Variants in C3orf49 observed in about 807,000 individuals in gnomAD.
The protein encoded by C3orf49 is chromosome 3 open reading frame 49.
In C3orf49, 27 loss-of-function variants were observed where a neutral mutation model predicts 13.3. That is an observed-to-expected ratio of 2.02 (90% CI 1.49 to 2.79). The LOEUF is 2.79. Among genes scored for constraint, C3orf49 ranks in the 30% most tolerant of loss-of-function variants. The pLI is 0.00. For missense variants in C3orf49, 242 were observed against 134.2 expected (o/e 1.80, Z -3.97); for synonymous variants, 87 against 47.6 (o/e 1.83, Z -3.40).
intron 5 of C3orf49, chr3:63,834,344 T>A: frequency 1.3e-6 from 1 of 763,762 alleles, no homozygotes; most frequent in Non-Finnish European, 2.0e-6. Flanking sequence ...TTAAAATTTA[T>A]GTGATAGACT....
chr3:63,816,118 TTTTC>T (rs1379825014), upstream of C3orf49, among the ~76,000 whole-genome samples: 1 of 151,632 alleles, frequency 6.6e-6, no homozygotes. Context: ...TTTAATTCTT[TTTTC>T]TTTGTTGATT....
chr3:63,823,766 T>TTGTGTG (rs55765936), intron 2 of C3orf49, among the ~76,000 whole-genome samples, 197 bp downstream of exon 2: 466 of 123,050 alleles, frequency 3.8e-3, no homozygotes, highest in African/African-American at 5.7e-3. Context: ...GTTCATACCG[T>TTGTGTG]TGTGTGTGTG....
chr3:63,819,545 T>A lies in C3orf49; in HGVS notation c.74T>A (p.Phe25Tyr). 1 of 703,326 alleles carries A rather than the reference T, an allele frequency of 1.4e-6. No individual in the cohort carries two copies. 43.6% of individuals were successfully genotyped at this position (703,326 alleles called of 1,614,324 possible). The change falls in exon 1 of 7, where the codon TTC (phenylalanine) becomes TAC (tyrosine). Residue 25 changes from phenylalanine (F) to tyrosine (Y), a missense_variant. Phe to Tyr is a conservative substitution (Grantham distance 22). Coordinates refer to ENST00000295896, the MANE Select transcript of C3orf49 (RefSeq NM_001355236.2). Reference protein sequence around the residue: ...AYRKVGQCRRFQQLKKKNGSF... With the variant: ...AYRKVGQCRRYQQLKKKNGSF... ...AGAAAAGTTGGACAGTGCCGAAGAT[T>A]CCAGCAACTCAAGAAGAAAAATGGC...
At chr3:63,809,417 A>G in the C3orf49 span, among the ~76,000 whole-genome samples, 1 of 152,244 alleles carries the variant, frequency 6.6e-6, no homozygotes, top group South Asian at 2.1e-4. Flanking sequence ...AAATTAACAC[A>G]GAGGTTATTT....
At chr3:63,781,171 G>C in the C3orf49 span, among the ~76,000 whole-genome samples, 1 of 150,392 alleles carries the variant, frequency 6.6e-6, no homozygotes, top group Non-Finnish European at 1.5e-5. Flanking sequence ...TTTGTATAAG[G>C]TGTAAGGAAG....
chr3:63,825,895 G>T (rs1701459828), intron 2 of C3orf49, among the ~76,000 whole-genome samples: 1 of 152,206 alleles, frequency 6.6e-6, no homozygotes, highest in Non-Finnish European at 1.5e-5. Context: ...TAGGGGAGGG[G>T]TCTCAGGAAA....
At chr3:63,792,194 G>A in the C3orf49 span, among the ~76,000 whole-genome samples, 2 of 152,218 alleles carry the variant, frequency 1.3e-5, no homozygotes, top group Non-Finnish European at 2.9e-5. Context: ...TGTGGAGGAT[G>A]TTGCAAGTTG....
At chr3:63,838,314 T>C in intron 5 of C3orf49, 2 of 1,204,406 alleles carry the variant, frequency 1.7e-6, no homozygotes, top group South Asian at 1.5e-5. Context: ...TTAGCAGGTA[T>C]TGTTTCCTTT....
chr3:63,788,664 T>C, the C3orf49 span, among the ~76,000 whole-genome samples: 1 of 152,024 alleles, frequency 6.6e-6, no homozygotes, highest in Admixed American at 6.6e-5. Flanking sequence ...TCTTTCTTTC[T>C]TTAACCTCAT....
the C3orf49 span, among the ~76,000 whole-genome samples, chr3:63,795,848 A>G: frequency 2.0e-5 from 3 of 152,076 alleles, no homozygotes; most frequent in Admixed American, 2.0e-4. Flanking sequence ...AAAAACCTAG[A>G]AACAATCTTG....
chr3:63,848,436 C>A lies in C3orf49; in HGVS notation c.*103C>A, dbSNP rs1701949347. On this transcript the variant is annotated 3_prime_UTR_variant, in exon 7 of 7. Transcript: ENST00000295896. ...ACCTATGAGCTGGAAGTCCTTCCCA[C>A]CCCCCACCTTCAAGCTGTCCTGCTT... 1.3e-5 allele frequency: 2 copies of A among 152,114 alleles called. No individual in the cohort carries two copies. The highest frequency in any genetic ancestry group is 2.9e-5 in the Non-Finnish European group (2 of 68,040). 9.4% of individuals were successfully genotyped at this position (152,114 alleles called of 1,614,324 possible).
At position 63,831,219 on chromosome 3, in the gene C3orf49, T is replaced by G. The variant is rs963203975; in HGVS notation, c.680T>G (p.Met227Arg). The G allele has an allele frequency of 1.4e-6, 1 of 702,234 alleles. No homozygotes were observed. The highest frequency in any genetic ancestry group is 2.6e-6 in the Non-Finnish European group (1 of 384,838). 43.5% of individuals were successfully genotyped at this position (702,234 alleles called of 1,614,324 possible). ...KSDLTVGKLQ[M>R]QVDDLIETVT... ...GATTTGACAGTAGGAAAGCTTCAAA[T>G]GCAGGTAGTGGACAAAGGCTTTTAA... Residue 227 changes from methionine to arginine, a missense_variant, in exon 4 of 7, where the codon ATG becomes AGG. Transcript: ENST00000295896.
chr3:63,836,898 T>C (rs1382367613), intron 5 of C3orf49, among the ~76,000 whole-genome samples: 2 of 151,982 alleles, frequency 1.3e-5, no homozygotes, highest in Admixed American at 1.3e-4. Context: ...AGCTTTCTTA[T>C]GAAGTGATGA....
intron 5 of C3orf49, among the ~76,000 whole-genome samples, chr3:63,841,212 C>G (rs979291393): frequency 1.3e-5 from 2 of 152,070 alleles, no homozygotes; most frequent in Non-Finnish European, 2.9e-5. Context: ...GGAGGCTTTG[C>G]GTGTGTGCAT....
At chr3:63,816,764 C>T (rs374931702), upstream of C3orf49, among the ~76,000 whole-genome samples, 2 of 80,700 alleles carry the variant, frequency 2.5e-5, no homozygotes, top group African/African-American at 8.1e-5. Flanking sequence ...ATTTTCTTTT[C>T]TTTTCTTTTT....
intron 1 of C3orf49, among the ~76,000 whole-genome samples, chr3:63,821,406 G>C (rs1250701937): frequency 1.3e-5 from 2 of 152,052 alleles, no homozygotes; most frequent in Non-Finnish European, 2.9e-5. Flanking sequence ...AGAAATATAT[G>C]TTATATATTT....
chr3:63,821,288 C>G (rs1463722180), intron 1 of C3orf49, among the ~76,000 whole-genome samples: 2 of 152,026 alleles, frequency 1.3e-5, no homozygotes, highest in Non-Finnish European at 2.9e-5. Flanking sequence ...CTGTTTAGAA[C>G]AGTGTTTTCC....
At chr3:63,840,390 G>C (rs1701731230) in intron 5 of C3orf49, among the ~76,000 whole-genome samples, 1 of 152,110 alleles carries the variant, frequency 6.6e-6, no homozygotes, top group African/African-American at 2.4e-5. Context: ...CCAGGAGTTT[G>C]AGACCAGCCT....
Position 63,845,102 on chromosome 3 carries a change from C to T in C3orf49, c.*30+20C>T, listed in dbSNP as rs370010941. On this transcript the variant is annotated intron_variant, in intron 6 of 6. Coordinates refer to ENST00000295896, the MANE Select transcript of C3orf49 (RefSeq NM_001355236.2). ...GAAAAGGTGATGCTAACCTTCTTTT[C>T]TGGGGGTGGGGGGTACTATCTCCTT... is the stretch of plus-strand genomic sequence containing the variant. The T allele has an allele frequency of 4.3e-4, 296 of 691,508 alleles. No homozygotes were observed. In the African/African-American group the frequency reaches 4.4e-3, roughly 10 times the overall value. The allele number at this position is 691,508 out of a possible 1,614,324, so 42.8% of individuals were successfully genotyped here.
Sources: gnomAD v4.1 joint callset for allele counts (sites outside exome capture counted in the v4.1 genomes callset) on GRCh38, gnomAD v4.1.1 for gene constraint, MANE v1.5 for transcripts, NCBI Gene and HGNC (gene_info 2026-07-23, HGNC 2026-07-21) for gene names.